The following ATF2 variants were observed in gnomAD, a reference collection of about 807,000 sequenced individuals.
The protein encoded by ATF2 is cyclic AMP-dependent transcription factor ATF-2.
Under a neutral mutation model 60.6 loss-of-function variants are expected in ATF2, and 24 were observed. That is an observed-to-expected ratio of 0.40 (90% CI 0.29 to 0.56). The LOEUF (loss-of-function observed/expected upper bound fraction) is 0.56, where lower values mean the gene tolerates loss of function less well. ATF2 is among the 20% of genes least tolerant of loss of function. The pLI is 0.54. For synonymous variants in ATF2, 206 were observed against 215.4 expected (o/e 0.96, Z 0.38); for missense variants, 433 against 607.7 (o/e 0.71, Z 3.02).
chr2:175,145,530 C>G (rs985068943), intron 2 of ATF2, among the ~76,000 whole-genome samples: 1 of 152,180 alleles, frequency 6.6e-6, no homozygotes, highest in African/African-American at 2.4e-5. Context: ...CCTGTGGAAC[C>G]AGGAGCCAAT....
intron 3 of ATF2, chr2:175,132,603 T>A (rs1697815502): frequency 6.6e-6 from 1 of 152,208 alleles, no homozygotes; most frequent in South Asian, 2.1e-4. Flanking sequence ...AGTGGCTTTA[T>A]AAGAATTGGG....
chr2:175,109,461 GGAAA>G (rs1446730744), intron 10 of ATF2, among the ~76,000 whole-genome samples: 4 of 152,076 alleles, frequency 2.6e-5, no homozygotes, highest in African/African-American at 9.7e-5. Flanking sequence ...TGGACTGATC[GGAAA>G]GAGAGAAACT....
chr2:175,167,180 CCTCT>C (rs961222135), intron 1 of ATF2, among the ~76,000 whole-genome samples: 3 of 152,262 alleles, frequency 2.0e-5, no homozygotes, highest in African/African-American at 4.8e-5. Context: ...CCCAGCTCCT[CCTCT>C]CTTTTTCCTC....
intron 12 of ATF2, among the ~76,000 whole-genome samples, chr2:175,088,601 T>C (rs2300583): frequency 0.048 from 7,247 of 151,924 alleles, 315 homozygotes; most frequent in East Asian, 0.21. Flanking sequence ...AAAGTATGTT[T>C]TGCCGTTACC....
chr2:175,151,878 C>G (rs974967562), intron 1 of ATF2, among the ~76,000 whole-genome samples: 1 of 152,178 alleles, frequency 6.6e-6, no homozygotes, highest in South Asian at 2.1e-4. Flanking sequence ...CAAGTAAGTT[C>G]TAGCCATCAC....
At chr2:175,147,784 A>G (rs184732150) in intron 2 of ATF2, among the ~76,000 whole-genome samples, 194 of 152,334 alleles carry the variant, frequency 1.3e-3, no homozygotes, top group Admixed American at 3.0e-3. Context: ...ATAGTAATTC[A>G]GTGATACATA....
At chr2:175,139,175 C>T (rs1246781646) in intron 2 of ATF2, among the ~76,000 whole-genome samples, 1 of 152,150 alleles carries the variant, frequency 6.6e-6, no homozygotes, top group Admixed American at 6.5e-5. Flanking sequence ...CTCTATTCAT[C>T]GTTGTATCTG....
chr2:175,144,374 CTT>C (rs1278262317), intron 2 of ATF2, among the ~76,000 whole-genome samples: 1 of 152,026 alleles, frequency 6.6e-6, no homozygotes, highest in Non-Finnish European at 1.5e-5. Context: ...TACAGAGAGA[CTT>C]TTAGAATTTC....
intron 4 of ATF2, chr2:175,127,278 C>G (rs1321248222): frequency 6.5e-6 from 1 of 154,150 alleles, no homozygotes; most frequent in Non-Finnish European, 1.5e-5. Flanking sequence ...ATCTGATTTA[C>G]CAGAAAGAGT....
chr2:175,089,955 A>G (rs1464872566), intron 12 of ATF2, among the ~76,000 whole-genome samples: 1 of 152,192 alleles, frequency 6.6e-6, no homozygotes, highest in East Asian at 1.9e-4. Flanking sequence ...TTTATTAATA[A>G]GAAAGCATTA....
At chr2:175,094,096 A>C (rs529176704) in intron 11 of ATF2, among the ~76,000 whole-genome samples, 1 of 152,288 alleles carries the variant, frequency 6.6e-6, no homozygotes, top group East Asian at 1.9e-4. Flanking sequence ...TATGGGTGTC[A>C]AAAAATGAAC....
intron 2 of ATF2, among the ~76,000 whole-genome samples, chr2:175,144,961 A>G (rs988181659): frequency 2.6e-5 from 4 of 152,260 alleles, no homozygotes; most frequent in African/African-American, 9.6e-5. Context: ...ATAAGTAAAC[A>G]TATCAAGGAT....
At chr2:175,123,565 C>A (rs1434247090) in intron 4 of ATF2, among the ~76,000 whole-genome samples, 1 of 152,036 alleles carries the variant, frequency 6.6e-6, no homozygotes. Flanking sequence ...AATCAAAGAA[C>A]TGCATGTAGA....
chr2:175,077,821 G>A (rs1180771450), intron 13 of ATF2, among the ~76,000 whole-genome samples: 1 of 152,082 alleles, frequency 6.6e-6, no homozygotes, highest in Non-Finnish European at 1.5e-5. Flanking sequence ...TCTAGGTGAG[G>A]GGAGAAAATG....
chr2:175,092,120 T>C (rs1215403497), intron 12 of ATF2, among the ~76,000 whole-genome samples: 4 of 152,220 alleles, frequency 2.6e-5, no homozygotes, highest in Non-Finnish European at 4.4e-5. Context: ...AAAACTTACA[T>C]TTGGTTAAAT....
At chr2:175,166,643 A>G (rs1327484064) in intron 1 of ATF2, among the ~76,000 whole-genome samples, 1 of 152,236 alleles carries the variant, frequency 6.6e-6, no homozygotes, top group Non-Finnish European at 1.5e-5. Context: ...ACAAGCTTTT[A>G]TAAATAAAGC....
At chr2:175,078,546 T>G (rs931573138) in intron 13 of ATF2, among the ~76,000 whole-genome samples, 10 of 152,178 alleles carry the variant, frequency 6.6e-5, no homozygotes, top group African/African-American at 2.4e-4. Flanking sequence ...GGGGTCTTCT[T>G]AGGAAGTAGG....
At chr2:175,131,006 T>G (rs890607319) in intron 3 of ATF2, among the ~76,000 whole-genome samples, 17 of 152,134 alleles carry the variant, frequency 1.1e-4, no homozygotes, top group Non-Finnish European at 1.5e-5. Flanking sequence ...TATATCTCAT[T>G]TTTAGGAAAC....
At chr2:175,114,965 ATAATAAC>A (rs1472961314) in intron 7 of ATF2, 97 bp from the exon 8 acceptor site, 72 of 1,178,188 alleles carry the variant, frequency 6.1e-5, no homozygotes, top group Non-Finnish European at 7.8e-5. Flanking sequence ...CATCTACAGA[ATAATAAC>A]TGCTAAAAGC....
Sources: allele counts gnomAD v4.1 joint callset (sites outside exome capture counted in the v4.1 genomes callset), GRCh38; gene constraint gnomAD v4.1.1; transcripts MANE v1.5; gene names NCBI Gene and HGNC (gene_info 2026-07-23, HGNC 2026-07-21).